TNIK: variants seen among roughly 807,000 people sequenced by gnomAD.
TNIK encodes TRAF2 and NCK-interacting protein kinase.
A neutral mutation model predicts 191.3 loss-of-function variants in TNIK; 49 were observed. The ratio of observed to expected loss-of-function variants is 0.26; its 90% confidence interval spans 0.20 to 0.32. TNIK has a LOEUF of 0.32. TNIK is among the 10% of genes least tolerant of loss of function. The pLI, the probability that TNIK is intolerant of heterozygous loss-of-function variation, is 1.00. For missense variants in TNIK, 1,155 were observed against 1,702.3 expected, an observed-to-expected ratio of 0.68 and a Z score of 5.66; for synonymous variants, 594 against 600.9, an observed-to-expected ratio of 0.99 and a Z score of 0.17.
intron 4 of TNIK, among the ~76,000 whole-genome samples, chr3:171,196,205 T>TA (rs1738649707): frequency 6.6e-6 from 1 of 152,254 alleles, no homozygotes; most frequent in South Asian, 2.1e-4. Context: ...TTTCTGTTCA[T>TA]AAAAAAGTAG....
chr3:171,127,510 A>C (rs1728653277), intron 16 of TNIK, among the ~76,000 whole-genome samples: 1 of 152,210 alleles, frequency 6.6e-6, no homozygotes, highest in Non-Finnish European at 1.5e-5. Context: ...TAACTGTCAC[A>C]AAATATCTAC....
intron 2 of TNIK, among the ~76,000 whole-genome samples, chr3:171,248,627 A>G (rs1501605): frequency 0.15 from 22,415 of 152,148 alleles, 2,010 homozygotes; most frequent in East Asian, 0.35. Context: ...GGCTGGAAGC[A>G]TCAAAGGCTG....
chr3:171,339,902 A>G (rs978047952), intron 2 of TNIK, among the ~76,000 whole-genome samples: 32 of 152,224 alleles, frequency 2.1e-4, no homozygotes, highest in African/African-American at 7.5e-4. Flanking sequence ...CCTCTGCCTT[A>G]TTAGGCTGTG....
At chr3:171,085,779 C>A (rs537301849) in intron 24 of TNIK, among the ~76,000 whole-genome samples, 94 of 152,256 alleles carry the variant, frequency 6.2e-4, no homozygotes, top group African/African-American at 2.0e-3. Context: ...TGATTTTATG[C>A]TGGAATTGAA....
intron 3 of TNIK, among the ~76,000 whole-genome samples, chr3:171,218,924 T>C (rs1166640895): frequency 2.3e-5 from 3 of 132,574 alleles, no homozygotes; most frequent in Non-Finnish European, 3.1e-5. Flanking sequence ...TATATATTTT[T>C]ATATGTTTTA....
Position 171,167,198 on chromosome 3 carries a change from T to C in TNIK, c.846A>G (p.Gln282=), listed in dbSNP as rs759578548. The C allele has an allele frequency of 3.1e-6, 5 of 1,613,994 alleles. No individual in the cohort carries two copies. The Admixed American group carries it at 5.0e-5, about 16-fold the overall frequency. The change falls in exon 10 of 33, where the codon CAA becomes CAG. Residue 282 remains glutamine, a synonymous_variant. Coordinates refer to ENST00000436636, the MANE Select transcript of TNIK (RefSeq NM_015028.4). The part of the protein sequence containing the change: ...KNHSQRPATE[Q]LMKHPFIRDQ... ...CTCGTATAAATGGATGCTTCATCAA[T>C]TGTTCTGTTGCTGGTCGCTGGCTGT...
rs1350566024 is a variant in TNIK, at chr3:171,110,857, G to A, written c.2141C>T (p.Thr714Ile). The A allele has an allele frequency of 6.2e-7, 1 of 1,604,086 alleles. No individual in the cohort carries two copies. The highest frequency in any genetic ancestry group is 2.2e-5 in the East Asian group (1 of 44,632). The change falls in exon 19 of 33, where the codon ACT (threonine) becomes ATT (isoleucine). Residue 714 changes from threonine (T) to isoleucine (I), a missense_variant. Thr to Ile is a moderately conservative substitution (Grantham distance 89, BLOSUM62 -1). This residue lies in a region of TNIK where 735 missense variants were observed against 848.0 expected (regional missense o/e 0.87). Transcript: ENST00000436636. Reference protein sequence around the residue: ...IRASNPDLRRTEPILESPLQR... With the variant: ...IRASNPDLRRIEPILESPLQR... ...CAAGGGGCTCTCCAAGATGGGCTCA[G>A]TTCTCCGGAGATCAGGGTTGCTGTG...
intron 28 of TNIK, among the ~76,000 whole-genome samples, chr3:171,073,126 A>G (rs1479332986): frequency 2.0e-5 from 3 of 152,222 alleles, no homozygotes; most frequent in Admixed American, 6.5e-5. Flanking sequence ...AGTTGAAGGT[A>G]TCACATTACC....
chr3:171,361,761 A>G (rs1039620712), intron 2 of TNIK, among the ~76,000 whole-genome samples: 5 of 152,252 alleles, frequency 3.3e-5, no homozygotes, highest in Admixed American at 1.3e-4. Flanking sequence ...AAATGACAAT[A>G]GCAGTAATCA....
chr3:171,286,381 C>A (rs895709399), intron 2 of TNIK, among the ~76,000 whole-genome samples: 2 of 152,196 alleles, frequency 1.3e-5, no homozygotes, highest in Admixed American at 6.5e-5. Context: ...TCTTCCCATA[C>A]TTCTCCACAA....
intron 2 of TNIK, among the ~76,000 whole-genome samples, chr3:171,352,888 A>G (rs986883755): frequency 2.0e-5 from 3 of 152,186 alleles, no homozygotes; most frequent in African/African-American, 7.2e-5. Context: ...CAGAAATGCA[A>G]AAGTAACATC....
intron 2 of TNIK, among the ~76,000 whole-genome samples, chr3:171,339,052 A>C (rs995748123): frequency 6.6e-6 from 1 of 152,180 alleles, no homozygotes; most frequent in Admixed American, 6.5e-5. Flanking sequence ...CATCCCTTTA[A>C]CAAACCTTTA....
chr3:171,354,785 CAG>C (rs965388970), intron 2 of TNIK, among the ~76,000 whole-genome samples: 3 of 152,182 alleles, frequency 2.0e-5, no homozygotes, highest in African/African-American at 7.2e-5. Flanking sequence ...ATATAGATTT[CAG>C]AGAGAGGTAA....
intron 1 of TNIK, among the ~76,000 whole-genome samples, chr3:171,438,439 G>A (rs1726309565): frequency 6.6e-6 from 1 of 152,200 alleles, no homozygotes; most frequent in Non-Finnish European, 1.5e-5. Context: ...AGTTATAGTG[G>A]GGATGCAGGA....
chr3:171,301,722 T>C (rs1752907111), intron 2 of TNIK, among the ~76,000 whole-genome samples: 1 of 152,216 alleles, frequency 6.6e-6, no homozygotes, highest in South Asian at 2.1e-4. Flanking sequence ...CTAAAGGCAA[T>C]GCATGATCCT....
rs764671252 is a variant in TNIK at position 171,126,098 on chromosome 3, C to A, written c.1827G>T (p.Gln609His). Residue 609 changes from glutamine (Q) to histidine (H), a missense_variant, in exon 17 of 33, where the codon CAG becomes CAT. Transcript: ENST00000436636. ...KSQGPALTAS[Q>H]SVHEQPTKGL... ...CCTTTGTGGGCTGCTCGTGCACTGA[C>A]TGGGAGGCGGTCAAGGCAGGTCCCT... 1.3e-5 allele frequency: 21 copies of A among 1,595,692 alleles called. No homozygotes were observed. The highest frequency in any genetic ancestry group is 1.5e-5 in the Non-Finnish European group (18 of 1,170,810).
chr3:171,064,212 T>C (rs1718138053), intron 32 of TNIK, among the ~76,000 whole-genome samples: 1 of 152,234 alleles, frequency 6.6e-6, no homozygotes, highest in Non-Finnish European at 1.5e-5. Flanking sequence ...GGGCTATATC[T>C]TCATTTGTAA....
intron 22 of TNIK, among the ~76,000 whole-genome samples, chr3:171,097,234 A>G (rs1337319903): frequency 1.3e-5 from 2 of 152,230 alleles, no homozygotes; most frequent in Non-Finnish European, 2.9e-5. Context: ...GTGAGGAGAA[A>G]TGTGGCAAAA....
chr3:171,202,024 GCAA>G (rs563065096), intron 4 of TNIK, among the ~76,000 whole-genome samples: 183 of 152,272 alleles, frequency 1.2e-3, no homozygotes, highest in African/African-American at 4.3e-3. Context: ...AGTATTTTTA[GCAA>G]CAACAAGTCT....
Sources: allele counts gnomAD v4.1 joint callset (sites outside exome capture counted in the v4.1 genomes callset), GRCh38; gene constraint gnomAD v4.1.1; regional missense constraint gnomAD v4.1.1; transcripts MANE v1.5; gene names NCBI Gene and HGNC (gene_info 2026-07-23, HGNC 2026-07-21).